TRPM3: variants seen among roughly 807,000 people sequenced by gnomAD.
The protein encoded by TRPM3 is transient receptor potential cation channel subfamily M member 3.
In TRPM3, 77 loss-of-function variants were observed where a neutral mutation model predicts 181.2. The observed-to-expected ratio is 0.42, with a 90% confidence interval of 0.35 to 0.51. TRPM3 has a LOEUF of 0.51. TRPM3 is among the 20% of genes least tolerant of loss of function. The pLI is 0.01. For synonymous variants in TRPM3, 745 were observed against 796.4 expected (o/e 0.94, Z 1.09); for missense variants, 1,759 against 2,196.7 (o/e 0.80, Z 3.98).
chr9:71,005,878 C>T (rs1167065738), intron 1 of TRPM3, among the ~76,000 whole-genome samples: 1 of 152,084 alleles, frequency 6.6e-6, no homozygotes, highest in African/African-American at 2.4e-5. Context: ...ATTCAAAATA[C>T]TGTAATACTA....
At chr9:71,228,953 A>C (rs1469361887) in intron 1 of TRPM3, among the ~76,000 whole-genome samples, 1 of 152,206 alleles carries the variant, frequency 6.6e-6, no homozygotes, top group African/African-American at 2.4e-5. Context: ...TCTTCACAGA[A>C]GTAGAAAAAA....
intron 24 of TRPM3, among the ~76,000 whole-genome samples, chr9:70,552,169 G>T (rs1467610526): frequency 6.6e-6 from 1 of 152,170 alleles, no homozygotes; most frequent in Admixed American, 6.5e-5. Flanking sequence ...ATGGAGCGTG[G>T]TACCCAAAGG....
intron 1 of TRPM3, among the ~76,000 whole-genome samples, chr9:71,390,901 G>A (rs1412291148): frequency 1.3e-5 from 2 of 151,928 alleles, no homozygotes; most frequent in Non-Finnish European, 2.9e-5. Context: ...GCCCTAGTGA[G>A]TGTGGGGAAA....
chr9:70,641,194 T>A (rs1206008583), intron 9 of TRPM3, among the ~76,000 whole-genome samples: 1 of 152,184 alleles, frequency 6.6e-6, no homozygotes, highest in South Asian at 2.1e-4. Context: ...ACAGAGCAGC[T>A]GCAGCAGTGC....
intron 1 of TRPM3, among the ~76,000 whole-genome samples, chr9:70,869,594 A>G (rs547246772): frequency 2.0e-5 from 3 of 152,188 alleles, no homozygotes; most frequent in African/African-American, 7.2e-5. Flanking sequence ...GTCCCTGAAC[A>G]TGGGCCTAAG....
At chr9:71,027,740 A>T (rs1016414168) in intron 1 of TRPM3, among the ~76,000 whole-genome samples, 4 of 152,204 alleles carry the variant, frequency 2.6e-5, no homozygotes, top group Non-Finnish European at 5.9e-5. Flanking sequence ...AGCTTTTGGA[A>T]ATAAGACAGT....
intron 9 of TRPM3, among the ~76,000 whole-genome samples, chr9:70,664,641 GTTTTT>G (rs71367210): frequency 8.0e-5 from 8 of 100,220 alleles, no homozygotes; most frequent in East Asian, 3.4e-4. Flanking sequence ...TAGGAGAGTA[GTTTTT>G]TTTTTTTTTT....
Position 71,426,822 on chromosome 9 carries a change from C to CA in TRPM3, c.183+19830dup, listed in dbSNP as rs956789766. Among the ~76,000 whole-genome samples the CA allele has an allele frequency of 7.1e-3, 1,017 of 143,824 alleles. 12 individuals are homozygous for CA. The highest frequency in any genetic ancestry group is 0.023 in the African/African-American group (927 of 39,492). 94.4% of individuals were successfully genotyped at this position (143,824 alleles called of 152,430 possible). A position where few individuals can be genotyped will look rare whatever the true frequency, so the allele number is the denominator to read the frequency against. ...AAAGTACTTACTAAGGCGTTAAGACCAAAAAAAAAAAATTCAGACCTAATC... is the reference window on the plus strand; with the variant it reads ...AAAGTACTTACTAAGGCGTTAAGACCAAAAAAAAAAAAATTCAGACCTAATC... On this transcript the variant is annotated intron_variant, in intron 1 of 24. Transcript: ENST00000357533.
chr9:70,788,800 G>A (rs1011619281), intron 6 of TRPM3, among the ~76,000 whole-genome samples: 2 of 152,082 alleles, frequency 1.3e-5, no homozygotes, highest in African/African-American at 4.8e-5. Context: ...TTCTCATAAG[G>A]AGCACGCAAC....
At chr9:71,096,462 A>T (rs2067220351) in intron 1 of TRPM3, among the ~76,000 whole-genome samples, 1 of 150,766 alleles carries the variant, frequency 6.6e-6, no homozygotes. Context: ...GGTGCTATGG[A>T]GCTCTTCCAG....
intron 1 of TRPM3, among the ~76,000 whole-genome samples, chr9:71,225,202 G>GA (rs1219265681): frequency 2.0e-5 from 3 of 151,984 alleles, no homozygotes; most frequent in African/African-American, 7.3e-5. Flanking sequence ...AGTCAAGAAT[G>GA]AAAAAGAATC....
At chr9:70,910,001 A>T (rs1034144630) in intron 1 of TRPM3, among the ~76,000 whole-genome samples, 13 of 152,192 alleles carry the variant, frequency 8.5e-5, no homozygotes, top group Non-Finnish European at 1.9e-4. Context: ...ACTACTTGGA[A>T]TTTGTCACTA....
At chr9:71,180,569 G>A (rs1331860225) in intron 1 of TRPM3, among the ~76,000 whole-genome samples, 1 of 152,098 alleles carries the variant, frequency 6.6e-6, no homozygotes, top group African/African-American at 2.4e-5. Flanking sequence ...ATTTCTCAAA[G>A]TGTGTCTTAT....
chr9:71,144,751 T>G (rs2075313820), intron 1 of TRPM3, among the ~76,000 whole-genome samples: 1 of 152,184 alleles, frequency 6.6e-6, no homozygotes, highest in Non-Finnish European at 1.5e-5. Context: ...CTGTGCCCTT[T>G]GGCGATAAAA....
intron 22 of TRPM3, among the ~76,000 whole-genome samples, chr9:70,562,244 T>C (rs1313470909): frequency 2.6e-5 from 4 of 152,200 alleles, no homozygotes; most frequent in Non-Finnish European, 5.9e-5. Context: ...CTAAACTCCA[T>C]CTATTCCTGA....
chr9:70,548,938 G>A (rs2045775586), intron 25 of TRPM3, among the ~76,000 whole-genome samples: 1 of 150,996 alleles, frequency 6.6e-6, no homozygotes, highest in Admixed American at 6.6e-5. Flanking sequence ...TATACTATTT[G>A]GCCCATGAGA....
intron 1 of TRPM3, among the ~76,000 whole-genome samples, chr9:70,938,787 C>T (rs1318636864): frequency 6.6e-6 from 1 of 151,766 alleles, no homozygotes; most frequent in African/African-American, 2.4e-5. Context: ...CCCGTCTCCA[C>T]TAAAAAATAC....
chr9:71,311,703 C>T (rs1319783911), intron 1 of TRPM3, among the ~76,000 whole-genome samples: 1 of 151,862 alleles, frequency 6.6e-6, no homozygotes, highest in East Asian at 1.9e-4. Flanking sequence ...TCAGAGGTGT[C>T]CAATCTTTTG....
intron 1 of TRPM3, among the ~76,000 whole-genome samples, chr9:70,976,313 A>G (rs775453235): frequency 6.6e-6 from 1 of 152,180 alleles, no homozygotes; most frequent in Non-Finnish European, 1.5e-5. Flanking sequence ...GGGAAACTCA[A>G]CTTCTCCTAC....
Sources: gnomAD v4.1 joint callset for allele counts (sites outside exome capture counted in the v4.1 genomes callset) on GRCh38, gnomAD v4.1.1 for gene constraint, MANE v1.5 for transcripts, NCBI Gene and HGNC (gene_info 2026-07-23, HGNC 2026-07-21) for gene names.